Variants in CTNNA2 observed in about 807,000 individuals in gnomAD.
CTNNA2 encodes the protein catenin alpha-2.
In CTNNA2, 42 loss-of-function variants were observed where a neutral mutation model predicts 101.0. The ratio of observed to expected loss-of-function variants is 0.42; its 90% CI spans 0.32 to 0.54. The LOEUF (loss-of-function observed/expected upper bound fraction) is 0.54, where lower values mean the gene tolerates loss of function less well. CTNNA2 is among the 20% of genes least tolerant of loss of function. The pLI is 0.14. For synonymous variants in CTNNA2, 450 were observed against 456.4 expected (o/e 0.99, Z 0.18); for missense variants, 871 against 1,223.1 (o/e 0.71, Z 4.29).
chr2:79,245,530 G>A (rs1391022619), intron 2 of CTNNA2, among the ~76,000 whole-genome samples: 1 of 152,190 alleles, frequency 6.6e-6, no homozygotes, highest in East Asian at 1.9e-4. Context: ...ACCTTCCCAA[G>A]GATGGGCCTG....
At chr2:79,457,435 G>T (rs918742532) in intron 4 of CTNNA2, among the ~76,000 whole-genome samples, 15 of 152,022 alleles carry the variant, frequency 9.9e-5, no homozygotes, top group Non-Finnish European at 1.9e-4. Flanking sequence ...AGAAAAAAAT[G>T]AAATATTGAT....
chr2:80,064,835 T>C (rs906780681), intron 7 of CTNNA2, among the ~76,000 whole-genome samples: 2 of 152,100 alleles, frequency 1.3e-5, no homozygotes, highest in African/African-American at 4.8e-5. Flanking sequence ...AGAAGAGAAA[T>C]GAACTGTACC....
At chr2:79,642,238 G>A (rs932807912) in intron 1 of CTNNA2, among the ~76,000 whole-genome samples, 3 of 152,160 alleles carry the variant, frequency 2.0e-5, no homozygotes, top group African/African-American at 7.2e-5. Flanking sequence ...GTTAAAAGGT[G>A]TGGCTTTACC....
intron 7 of CTNNA2, among the ~76,000 whole-genome samples, chr2:80,259,742 A>G (rs985734049): frequency 6.6e-6 from 1 of 152,202 alleles, no homozygotes; most frequent in Non-Finnish European, 1.5e-5. Context: ...TAATTAAGCT[A>G]TGATGTAGAA....
At chr2:79,568,694 T>A (rs1157197559) in intron 1 of CTNNA2, among the ~76,000 whole-genome samples, 2 of 151,610 alleles carry the variant, frequency 1.3e-5, no homozygotes, top group African/African-American at 4.8e-5. Flanking sequence ...CAATATTTCA[T>A]TATTGAGTAA....
At chr2:79,962,117 C>A (rs1388155342) in intron 7 of CTNNA2, among the ~76,000 whole-genome samples, 1 of 152,224 alleles carries the variant, frequency 6.6e-6, no homozygotes, top group Non-Finnish European at 1.5e-5. Context: ...GACAAGTAGC[C>A]ATCTTTCAAA....
intron 2 of CTNNA2, among the ~76,000 whole-genome samples, chr2:79,216,441 A>G (rs141035995): frequency 0.086 from 12,968 of 151,474 alleles, 661 homozygotes; most frequent in Middle Eastern, 0.17. Flanking sequence ...AAGAGGTCGG[A>G]GCATGGAAAT....
chr2:79,359,313 A>C (rs1475958999), intron 3 of CTNNA2, among the ~76,000 whole-genome samples: 1 of 152,120 alleles, frequency 6.6e-6, no homozygotes, highest in Non-Finnish European at 1.5e-5. Flanking sequence ...GCACTTTATA[A>C]ATTTCTTTAA....
intron 1 of CTNNA2, among the ~76,000 whole-genome samples, chr2:79,602,780 C>T (rs560532542): frequency 1.3e-5 from 2 of 152,072 alleles, no homozygotes; most frequent in African/African-American, 2.4e-5. Flanking sequence ...ATGAAAAAAT[C>T]GTGAAACCTT....
intron 18 of CTNNA2, among the ~76,000 whole-genome samples, chr2:80,646,065 A>G (rs1674054140): frequency 6.6e-6 from 1 of 152,142 alleles, no homozygotes; most frequent in South Asian, 2.1e-4. Flanking sequence ...TGTGTTAGAT[A>G]CAACTTCTGA....
chr2:79,942,545 C>A (rs1688229422), intron 7 of CTNNA2, among the ~76,000 whole-genome samples: 1 of 152,174 alleles, frequency 6.6e-6, no homozygotes, highest in Non-Finnish European at 1.5e-5. Flanking sequence ...AAGTTTGGCT[C>A]TACCAGGCCA....
chr2:79,721,035 C>T (rs536443912), intron 2 of CTNNA2, among the ~76,000 whole-genome samples: 1 of 149,190 alleles, frequency 6.7e-6, no homozygotes, highest in Non-Finnish European at 1.5e-5. Flanking sequence ...TTTAAATTAT[C>T]ATTGGCCCAG....
chr2:79,282,480 T>C (rs1675419610), intron 2 of CTNNA2, among the ~76,000 whole-genome samples: 2 of 152,138 alleles, frequency 1.3e-5, no homozygotes, highest in East Asian at 3.9e-4. Context: ...ATTGTTCAAT[T>C]CCCACCTATG....
At chr2:80,425,502 T>C (rs544204606) in intron 9 of CTNNA2, among the ~76,000 whole-genome samples, 11 of 152,276 alleles carry the variant, frequency 7.2e-5, no homozygotes, top group African/African-American at 2.6e-4. Flanking sequence ...TTCTCCCCAT[T>C]AAGCACAACC....
chr2:80,396,107 G>A (rs1034665546), intron 8 of CTNNA2, among the ~76,000 whole-genome samples: 1 of 152,116 alleles, frequency 6.6e-6, no homozygotes, highest in Non-Finnish European at 1.5e-5. Flanking sequence ...GATACTCAAA[G>A]AAATCAAGAT....
At chr2:79,906,806 A>G (rs1469356314) in intron 6 of CTNNA2, among the ~76,000 whole-genome samples, 1 of 152,204 alleles carries the variant, frequency 6.6e-6, no homozygotes, top group Admixed American at 6.5e-5. Context: ...GGGAAACGCT[A>G]CAGTGAACTG....
chr2:79,683,690 C>A (rs1683739498), intron 2 of CTNNA2, among the ~76,000 whole-genome samples: 1 of 152,176 alleles, frequency 6.6e-6, no homozygotes, highest in Non-Finnish European at 1.5e-5. Context: ...TCACCTCTGT[C>A]ATTGTCAATT....
chr2:80,115,405 A>G (rs916617602), intron 7 of CTNNA2, among the ~76,000 whole-genome samples: 1 of 152,224 alleles, frequency 6.6e-6, no homozygotes, highest in African/African-American at 2.4e-5. Context: ...TCTACCTGAC[A>G]CGTGAAGAAA....
chr2:80,569,625 G>A (rs1463604773), intron 12 of CTNNA2, among the ~76,000 whole-genome samples: 4 of 75,462 alleles, frequency 5.3e-5, no homozygotes, highest in East Asian at 3.5e-4. Context: ...TACTTTTGGG[G>A]TATTTAGGTT....
Sources: gnomAD v4.1 joint callset for allele counts (sites outside exome capture counted in the v4.1 genomes callset) on GRCh38, gnomAD v4.1.1 for gene constraint, MANE v1.5 for transcripts, NCBI Gene and HGNC (gene_info 2026-07-23, HGNC 2026-07-21) for gene names.